ALPK1: variants seen among roughly 807,000 people sequenced by gnomAD.
ALPK1 encodes the protein alpha kinase 1, also known as alpha-protein kinase 1.
ALPK1 carries 110 observed loss-of-function variants against 120.6 expected under a neutral mutation model. The observed-to-expected ratio is 0.91, with a 90% CI of 0.78 to 1.07. ALPK1 has a LOEUF of 1.07. Among genes scored for constraint, ALPK1 ranks in the 50% least tolerant of loss-of-function variants. ALPK1 has a pLI of 0.00. For missense variants in ALPK1, 1,498 were observed against 1,483.9 expected (o/e 1.01, Z -0.16); for synonymous variants, 582 against 560.3 (o/e 1.04, Z -0.55).
At chr4:112,390,245 A>T (rs1467830926) in intron 4 of ALPK1, among the ~76,000 whole-genome samples, 1 of 152,138 alleles carries the variant, frequency 6.6e-6, no homozygotes, top group East Asian at 1.9e-4. Context: ...CCATGCACAT[A>T]GCTGCTCTCC....
intron 5 of ALPK1, among the ~76,000 whole-genome samples, chr4:112,422,410 C>T (rs144950473): frequency 8.2e-4 from 125 of 152,230 alleles, no homozygotes; most frequent in African/African-American, 2.8e-3. Context: ...AGCTAGACAC[C>T]GAGTCCACTG....
intron 1 of ALPK1, among the ~76,000 whole-genome samples, chr4:112,310,176 ACTCT>A (rs1353015608): frequency 6.6e-6 from 1 of 151,998 alleles, no homozygotes; most frequent in Non-Finnish European, 1.5e-5. Context: ...CACTGTTAAA[ACTCT>A]CTAGCTCACA....
rs187584896 is a variant in ALPK1 at position 112,431,827 on chromosome 4, G to T, written c.2280G>T (p.Arg760Ser). 9 of 1,614,104 alleles carry T rather than the reference G, an allele frequency of 5.6e-6. No individual in the cohort carries two copies. In the African/African-American group the frequency reaches 6.7e-5, roughly 12 times the overall value. The part of the protein sequence containing the change: ...FPETNCDVKD[R>S]QGKEQGEEIS... The stretch of plus-strand genomic sequence containing the variant: ...AAACCAACTGCGATGTCAAAGACAG[G>T]CAGGGGAAAGAGCAGGGAGAAGAAA... Residue 760 changes from arginine (R) to serine (S), a missense_variant, in exon 11 of 16, where the codon AGG becomes AGT. By Grantham distance (110) the Arg-to-Ser change is moderately radical. Transcript: ENST00000650871.
intron 2 of ALPK1, among the ~76,000 whole-genome samples, chr4:112,371,241 C>T (rs953205234): frequency 9.2e-5 from 14 of 152,164 alleles, no homozygotes; most frequent in African/African-American, 3.1e-4. Flanking sequence ...CCGGCAAACC[C>T]CCACCCTAAC....
At chr4:112,356,242 C>A in intron 2 of ALPK1, 1 of 1,497,042 alleles carries the variant, frequency 6.7e-7, no homozygotes, top group Non-Finnish European at 9.3e-7. Context: ...AGATGAATGG[C>A]ATCCTGGAGA....
At chr4:112,379,045 A>ATAT (rs1166633055) in intron 3 of ALPK1, among the ~76,000 whole-genome samples, 1 of 152,144 alleles carries the variant, frequency 6.6e-6, no homozygotes, top group African/African-American at 2.4e-5. Context: ...CCTATAGAAT[A>ATAT]TGCTCTATGG....
In ALPK1 at chr4:112,429,363, C is replaced by T. The variant is rs1734424088; in HGVS notation, c.900+110C>T. The T allele has an allele frequency of 1.1e-5, 9 of 826,688 alleles. No individual in the cohort carries two copies. In the South Asian group the frequency reaches 1.5e-4, roughly 14 times the overall value. 51.2% of individuals were successfully genotyped at this position (826,688 alleles called of 1,614,324 possible). A position where few individuals can be genotyped will look rare whatever the true frequency, so the allele number is the denominator to read the frequency against. On this transcript the variant is annotated intron_variant, in intron 10 of 15. Coordinates refer to ENST00000650871, the MANE Select transcript of ALPK1 (RefSeq NM_025144.4). Reference sequence around the variant, plus strand: ...TAACCTTCAAACAGGCTTTGTGTCTCATCAGTGGCAATTGTGATAAGACTC... The same window carrying T: ...TAACCTTCAAACAGGCTTTGTGTCTTATCAGTGGCAATTGTGATAAGACTC...
Position 112,382,450 on chromosome 4 carries a change from G to A in ALPK1, c.174G>A (p.Lys58=), listed in dbSNP as rs1179821884. The A allele has an allele frequency of 1.4e-5, 22 of 1,614,030 alleles. No homozygotes were observed. Among genetic ancestry groups the A allele is most frequent in the Non-Finnish European group, 1.9e-5 (22 of 1,180,036 alleles). Residue 58 remains lysine (K), a synonymous_variant, in exon 4 of 16, where the codon AAG becomes AAA. Transcript: ENST00000650871. Reference sequence around the variant, plus strand: ...TGATCCAGGAGGCAAAGGAAATGAAGTGGCCCTTCGTGCCTGAAAAGTGGC... The same window carrying A: ...TGATCCAGGAGGCAAAGGAAATGAAATGGCCCTTCGTGCCTGAAAAGTGGC... ...RTLIQEAKEM[K]WPFVPEKWQY...
In ALPK1 at chr4:112,300,963, C is replaced by T. The variant is rs181355595; in HGVS notation, c.-153+3494C>T. 2.0e-3 allele frequency among the ~76,000 whole-genome samples: 303 copies of T among 152,300 alleles called. 4 individuals carry two copies. Among genetic ancestry groups the T allele is most frequent in the Admixed American group, 0.01 (158 of 15,294 alleles). The stretch of plus-strand genomic sequence containing the variant: ...CTGGTTACTGTGGTGCATTCTCCAT[C>T]AGTGCATAATATGCACCCAAAATAT... On this transcript the variant is annotated intron_variant, in intron 1 of 15. Transcript: ENST00000650871.
chr4:112,357,323 G>A, intron 2 of ALPK1: 1 of 889,602 alleles, frequency 1.1e-6, no homozygotes, highest in South Asian at 1.5e-5. Context: ...TGTCCAGATT[G>A]TGTTCAGTGT....
chr4:112,359,214 C>T, intron 2 of ALPK1: 1 of 588,934 alleles, frequency 1.7e-6, no homozygotes, highest in South Asian at 1.8e-5. Flanking sequence ...TGGCAGCCAC[C>T]CACAGTGGGG....
intron 3 of ALPK1, among the ~76,000 whole-genome samples, chr4:112,380,998 CTGAAT>C (rs1438206875): frequency 3.9e-5 from 6 of 152,146 alleles, no homozygotes; most frequent in Non-Finnish European, 7.3e-5. Context: ...GCCAGTGGGC[CTGAAT>C]TTGGTCACAA....
chr4:112,309,764 C>T (rs1728312871), intron 1 of ALPK1, among the ~76,000 whole-genome samples: 2 of 152,066 alleles, frequency 1.3e-5, no homozygotes, highest in Non-Finnish European at 2.9e-5. Flanking sequence ...ATACTCTTGT[C>T]ACCACTATTA....
At chr4:112,382,326 C>G in intron 3 of ALPK1, 72 bp from the exon 4 acceptor site, 2 of 924,770 alleles carry the variant, frequency 2.2e-6, no homozygotes, top group Non-Finnish European at 3.2e-6. Context: ...TGAGGTGCTT[C>G]ATCATAACAT....
Position 112,426,453 on chromosome 4 carries a change from C to CTT in ALPK1, c.623-5_623-4dup, listed in dbSNP as rs35182774. ...CTCCCCTGTCCCTCTCCCCGCCCCT[C>CTT]TTTTTTTTTTCAGGGATGTGGTACG... On this transcript the variant is annotated splice_polypyrimidine_tract_variant and intron_variant, in intron 7 of 15. Transcript: ENST00000650871. The CTT allele has an allele frequency of 5.9e-3, 8,365 of 1,429,042 alleles. No homozygotes were observed. Among genetic ancestry groups the CTT allele is most frequent in the East Asian group, 0.021 (802 of 37,334 alleles). The allele number at this position is 1,429,042 out of a possible 1,614,324, so 88.5% of individuals were successfully genotyped here.
rs111851083 is a variant in ALPK1, at chr4:112,403,342, C to T, written c.277-8485C>T. Among the ~76,000 whole-genome samples, 604 of 152,244 alleles carry T rather than the reference C, an allele frequency of 4.0e-3. 3 individuals carry two copies. The highest frequency in any genetic ancestry group is 0.014 in the African/African-American group (568 of 41,558). On this transcript the variant is annotated intron_variant, in intron 4 of 15. Transcript: ENST00000650871. The stretch of plus-strand genomic sequence containing the variant: ...ATTTCTCAGAGTGCTGGTAGAAACA[C>T]GACAGAGCGGCTGCAAGAATGATAC...
At chr4:112,427,741 T>C (rs1734303250) in intron 9 of ALPK1, 76 bp downstream of exon 9, 2 of 1,045,276 alleles carry the variant, frequency 1.9e-6, no homozygotes, top group African/African-American at 1.6e-5. Flanking sequence ...AGTGGCTGTC[T>C]TTCTCAGGAG....
intron 2 of ALPK1, among the ~76,000 whole-genome samples, chr4:112,320,987 C>T (rs1728845468): frequency 6.7e-6 from 1 of 149,792 alleles, no homozygotes; most frequent in Non-Finnish European, 1.5e-5. Context: ...AGCTCCGCCT[C>T]CCAGGTTCAC....
Position 112,377,686 on chromosome 4 carries a change from GC to G in ALPK1, c.-90del, listed in dbSNP as rs2148726469. On this transcript the variant is annotated 5_prime_UTR_variant, in exon 3 of 16. An upstream open reading frame in the 5' UTR gains an earlier in-frame stop. Coordinates refer to ENST00000650871, the MANE Select transcript of ALPK1 (RefSeq NM_025144.4). ...TCTCTTTTGTTCACCAGGTACTTCG[GC>G]CTTCAAGGGGCTCCTTTATTGAGAA... 8.6e-6 allele frequency: 11 copies of G among 1,272,550 alleles called. No individual in the cohort carries two copies. Among genetic ancestry groups the G allele is most frequent in the Non-Finnish European group, 1.2e-5 (11 of 955,228 alleles). 78.8% of individuals were successfully genotyped at this position (1,272,550 alleles called of 1,614,324 possible). A position where few individuals can be genotyped will look rare whatever the true frequency, so the allele number is the denominator to read the frequency against.
Sources: allele counts gnomAD v4.1 joint callset (sites outside exome capture counted in the v4.1 genomes callset), GRCh38; gene constraint gnomAD v4.1.1; transcripts MANE v1.5; gene names NCBI Gene and HGNC (gene_info 2026-07-23, HGNC 2026-07-21).